The following ARHGAP44 variants were observed in gnomAD, a reference collection of about 807,000 sequenced individuals.
The protein encoded by ARHGAP44 is Rho GTPase activating protein 44.
In ARHGAP44, 43 loss-of-function variants were observed where a neutral mutation model predicts 106.8. That is an observed-to-expected ratio of 0.40 (90% CI 0.32 to 0.52). The LOEUF is 0.52. ARHGAP44 is among the 20% of genes least tolerant of loss of function. The pLI, the probability that ARHGAP44 is intolerant of heterozygous loss-of-function variation, is 0.48. For missense variants in ARHGAP44, 866 were observed against 1,050.5 expected, an observed-to-expected ratio of 0.82 and a Z score of 2.43; for synonymous variants, 439 against 410.3, an observed-to-expected ratio of 1.07 and a Z score of -0.85.
chr17:12,957,225 T>C (rs529707552), intron 15 of ARHGAP44, among the ~76,000 whole-genome samples: 80 of 152,322 alleles, frequency 5.3e-4, no homozygotes, highest in African/African-American at 1.8e-3. Flanking sequence ...CCCAAAGTGC[T>C]GGGATTACAG....
At chr17:12,818,234 C>T (rs1194435049) in intron 1 of ARHGAP44, among the ~76,000 whole-genome samples, 1 of 149,360 alleles carries the variant, frequency 6.7e-6, no homozygotes, top group Non-Finnish European at 1.5e-5. Flanking sequence ...TCAACTGGTA[C>T]AGCCAAAGCA....
At chr17:12,921,270 T>C (rs749893511) in intron 6 of ARHGAP44, among the ~76,000 whole-genome samples, 2 of 152,092 alleles carry the variant, frequency 1.3e-5, no homozygotes. Flanking sequence ...TTCCGCCACG[T>C]TGGCCAGGCT....
At chr17:12,930,983 G>A (rs2038381540) in intron 7 of ARHGAP44, among the ~76,000 whole-genome samples, 1 of 152,122 alleles carries the variant, frequency 6.6e-6, no homozygotes, top group Non-Finnish European at 1.5e-5. Context: ...GATAGAACCT[G>A]TTATATCATA....
chr17:12,974,046 T>C (rs1185190488), intron 17 of ARHGAP44, 43 bp from the exon 18 acceptor site: 1 of 1,536,098 alleles, frequency 6.5e-7, no homozygotes, highest in Non-Finnish European at 8.8e-7. Flanking sequence ...TCTCCTGTCA[T>C]CTGTTACGCG....
intron 1 of ARHGAP44, among the ~76,000 whole-genome samples, chr17:12,846,774 T>C (rs2035582550): frequency 6.6e-6 from 1 of 152,380 alleles, no homozygotes; most frequent in African/African-American, 2.4e-5. Context: ...CCACAGACTA[T>C]TGACAGTTAC....
At chr17:12,867,015 G>A (rs557786942) in intron 1 of ARHGAP44, among the ~76,000 whole-genome samples, 1 of 151,986 alleles carries the variant, frequency 6.6e-6, no homozygotes, top group East Asian at 1.9e-4. Context: ...TATCCAAAGT[G>A]GCATATTATA....
At chr17:12,845,506 C>CAA (rs748288660) in intron 1 of ARHGAP44, among the ~76,000 whole-genome samples, 717 of 67,876 alleles carry the variant, frequency 0.011, 12 homozygotes, top group African/African-American at 0.037. Flanking sequence ...GACTCCGTCT[C>CAA]AAAAAAAAAA....
At chr17:12,960,257 TTTTTGTTTTG>T (rs142385280) in intron 16 of ARHGAP44, among the ~76,000 whole-genome samples, 7,966 of 152,192 alleles carry the variant, frequency 0.052, 762 homozygotes, top group East Asian at 0.48. Flanking sequence ...ATGTCTTTCT[TTTTTGTTTTG>T]TTTTGTTTTA....
At chr17:12,901,701 CA>C (rs1230165985) in intron 3 of ARHGAP44, among the ~76,000 whole-genome samples, 1 of 152,046 alleles carries the variant, frequency 6.6e-6, no homozygotes, top group Non-Finnish European at 1.5e-5. Flanking sequence ...GGTGAGAAGA[CA>C]TATGGCTTTT....
rs2038939276 is a variant in ARHGAP44 at position 12,949,358 on chromosome 17, A to G, written c.973+107A>G. 4 of 1,239,816 alleles carry G rather than the reference A, an allele frequency of 3.2e-6. No homozygotes were observed. The African/African-American group carries it at 4.5e-5, about 14-fold the overall frequency. The allele number at this position is 1,239,816 out of a possible 1,614,324, so 76.8% of individuals were successfully genotyped here. A position where few individuals can be genotyped will look rare whatever the true frequency, so the allele number is the denominator to read the frequency against. ...GGACACTCAAGTCAGTGGCTGCCCAAAGCACTTCAGATGTGTCCACTCAGT... is the reference window on the plus strand; with the variant it reads ...GGACACTCAAGTCAGTGGCTGCCCAGAGCACTTCAGATGTGTCCACTCAGT... On this transcript the variant is annotated intron_variant, in intron 11 of 20. Transcript: ENST00000379672. This position sits in a 1 kb window ranked among gnomAD's most constrained non-coding sequence, Gnocchi z 4.1.
intron 7 of ARHGAP44, among the ~76,000 whole-genome samples, chr17:12,932,958 A>C (rs957447103): frequency 5.3e-5 from 8 of 152,156 alleles, no homozygotes; most frequent in Non-Finnish European, 1.2e-4. Context: ...CTAGTCTGTT[A>C]CATCCATTTT....
chr17:12,984,926 T>G lies in ARHGAP44; in HGVS notation c.2317+18T>G, dbSNP rs1477706516. The G allele has an allele frequency of 6.3e-7, 1 of 1,578,434 alleles. No homozygotes were observed. Among genetic ancestry groups the G allele is most frequent in the Non-Finnish European group, 8.6e-7 (1 of 1,160,676 alleles). ...GTCTACAGGTAACCAAGCCACAGGC[T>G]CCCTCACTTTTTTTTATGAACTTTA... On this transcript the variant is annotated intron_variant, in intron 20 of 20. Transcript: ENST00000379672.
rs2040147430 is a variant in ARHGAP44 at position 12,991,470 on chromosome 17, GGATGTGCAGAGTTTT to G, written c.*1305_*1319del. ...GTAAAGTCACCCTCCTCTGAGAGTG[GGATGTGCAGAGTTTT>G]GATGTTGCAGCTTTGCTCACTTCCT... On this transcript the variant is annotated 3_prime_UTR_variant, in exon 21 of 21. Transcript: ENST00000379672. 5.8e-6 allele frequency: 1 copy of G among 171,482 alleles called. No homozygotes were observed. Among genetic ancestry groups the G allele is most frequent in the Non-Finnish European group, 1.3e-5 (1 of 78,914 alleles). The allele number at this position is 171,482 out of a possible 1,614,324, so 10.6% of individuals were successfully genotyped here. A position where few individuals can be genotyped will look rare whatever the true frequency, so the allele number is the denominator to read the frequency against.
chr17:12,798,531 T>G (rs1356596853), intron 1 of ARHGAP44, among the ~76,000 whole-genome samples: 1 of 152,188 alleles, frequency 6.6e-6, no homozygotes, highest in African/African-American at 2.4e-5. Flanking sequence ...TCAGTACCCA[T>G]GAGGAGCTTG....
At chr17:12,838,544 C>T (rs985154291) in intron 1 of ARHGAP44, among the ~76,000 whole-genome samples, 3 of 152,098 alleles carry the variant, frequency 2.0e-5, no homozygotes, top group Non-Finnish European at 2.9e-5. Context: ...TAAAGTGAAT[C>T]GGTCTTAAGT....
intron 10 of ARHGAP44, 84 bp downstream of exon 10, chr17:12,944,280 CA>C: frequency 6.9e-7 from 1 of 1,439,666 alleles, no homozygotes. Context: ...TCTCCTGTAC[CA>C]TCTCCACTCC....
At chr17:12,797,855 C>A (rs2033970742) in intron 1 of ARHGAP44, among the ~76,000 whole-genome samples, 1 of 152,098 alleles carries the variant, frequency 6.6e-6, no homozygotes, top group South Asian at 2.1e-4. Flanking sequence ...CATGTTTATT[C>A]CAATCTATTT....
Position 12,956,801 on chromosome 17 carries a change from G to T in ARHGAP44, c.1342+55G>T, listed in dbSNP as rs2039137786. 7.8e-6 allele frequency: 12 copies of T among 1,535,362 alleles called. No homozygotes were observed. In the South Asian group the frequency reaches 1.1e-4, roughly 14 times the overall value. On this transcript the variant is annotated intron_variant, in intron 15 of 20. Coordinates refer to ENST00000379672, the MANE Select transcript of ARHGAP44 (RefSeq NM_014859.6). Reference sequence around the variant, plus strand: ...AGAGGCAGGGAACAGGAGTATCACTGCGAGTTCTGAGCCTTTGAAGCCAAG... The same window carrying T: ...AGAGGCAGGGAACAGGAGTATCACTTCGAGTTCTGAGCCTTTGAAGCCAAG...
chr17:12,909,104 A>G (rs2037646836), intron 4 of ARHGAP44, 131 bp downstream of exon 4: 1 of 742,352 alleles, frequency 1.3e-6, no homozygotes, highest in Non-Finnish European at 2.2e-6. Context: ...GGAAAATGTT[A>G]CCAGTAGGAA....
Sources: gnomAD v4.1 joint callset for allele counts (sites outside exome capture counted in the v4.1 genomes callset) on GRCh38, gnomAD v4.1.1 for gene constraint, Gnocchi (gnomAD v3.1) non-coding constraint, MANE v1.5 for transcripts, NCBI Gene and HGNC (gene_info 2026-07-23, HGNC 2026-07-21) for gene names.